The following FBN2 variants were observed in gnomAD, a reference collection of about 807,000 sequenced individuals.
FBN2 encodes fibrillin-2.
FBN2 carries 105 observed loss-of-function variants against 355.6 expected under a neutral mutation model. The ratio of observed to expected loss-of-function variants is 0.30; its 90% CI spans 0.25 to 0.35. The LOEUF is 0.35. Among genes scored for constraint, FBN2 ranks in the 10% least tolerant of loss-of-function variants. The pLI is 1.00. For synonymous variants in FBN2, 1,350 were observed against 1,301.2 expected (o/e 1.04, Z -0.81); for missense variants, 3,280 against 3,758.7 (o/e 0.87, Z 3.33).
intron 26 of FBN2, 23 bp downstream of exon 26, chr5:128,338,910 G>A (rs773259602): frequency 9.3e-6 from 15 of 1,612,876 alleles, no homozygotes; most frequent in East Asian, 2.2e-5. Context: ...TCAAGCTGGC[G>A]AGGAAGAGCT....
intron 41 of FBN2, among the ~76,000 whole-genome samples, chr5:128,307,509 T>A (rs896550960): frequency 4.0e-5 from 6 of 151,878 alleles, no homozygotes; most frequent in Non-Finnish European, 7.4e-5. Context: ...TTTCTTTTAA[T>A]ATGCAGAGCT....
In FBN2 at chr5:128,331,688, C is replaced by T. The variant is rs560036477; in HGVS notation, c.4223-993G>A. On this transcript the variant is annotated intron_variant, in intron 32 of 64. Transcript: ENST00000262464. ...TTTAGCATTCAGCAGACACGAAGAG[C>T]GAGGGCATGTGAGAGAGACAGAAAC... 1.1e-4 allele frequency among the ~76,000 whole-genome samples: 17 copies of T among 152,074 alleles called. No individual in the cohort carries two copies. In the East Asian group the frequency reaches 1.4e-3, roughly 12 times the overall value.
chr5:128,415,051 T>C (rs1456183836), intron 7 of FBN2, among the ~76,000 whole-genome samples: 1 of 152,174 alleles, frequency 6.6e-6, no homozygotes, highest in African/African-American at 2.4e-5. Context: ...TGAATTTCCA[T>C]GTAAACTTTT....
intron 63 of FBN2, 63 bp from the exon 64 acceptor site, chr5:128,261,970 G>T: frequency 7.3e-7 from 1 of 1,372,164 alleles, no homozygotes; most frequent in Non-Finnish European, 1.0e-6. Flanking sequence ...TTTTCCAGTG[G>T]TAGAGCAGAC....
intron 23 of FBN2, among the ~76,000 whole-genome samples, chr5:128,349,125 G>T (rs534060033): frequency 6.6e-6 from 1 of 152,284 alleles, no homozygotes; most frequent in East Asian, 1.9e-4. Flanking sequence ...GGAAGATTTT[G>T]AGATAGATTT....
chr5:128,315,228 C>A (rs1035533613), intron 36 of FBN2, among the ~76,000 whole-genome samples: 3 of 152,038 alleles, frequency 2.0e-5, no homozygotes, highest in African/African-American at 7.2e-5. Context: ...TTGAAAACAA[C>A]TTTATTAGCA....
Position 128,311,364 on chromosome 5 carries a change from A to G in FBN2, c.5010T>C (p.Phe1670=), listed in dbSNP as rs767932715. Residue 1670 remains phenylalanine, a synonymous_variant, in exon 39 of 65, where the codon TTT becomes TTC. Coordinates refer to ENST00000262464, the MANE Select transcript of FBN2 (RefSeq NM_001999.4). Reference sequence around the variant, plus strand: ...GTGGGCACTCACACTGGAAGCTCCCAAAAGTGTTGATGCAGTTTCCACCCT... The same window carrying G: ...GTGGGCACTCACACTGGAAGCTCCCGAAAGTGTTGATGCAGTTTCCACCCT... ...LCQGGNCINT[F]GSFQCECPQG... The G allele has an allele frequency of 1.2e-6, 2 of 1,614,058 alleles. No homozygotes were observed. The highest frequency in any genetic ancestry group is 1.7e-6 in the Non-Finnish European group (2 of 1,179,932).
Position 128,263,543 on chromosome 5 carries a change from C to A in FBN2, c.8074G>T (p.Ala2692Ser). The change falls in exon 63 of 65, where the codon GCC becomes TCC. Residue 2692 changes from alanine (A) to serine (S), a missense_variant. By Grantham distance (99) the Ala-to-Ser change is moderately conservative. Coordinates refer to ENST00000262464, the MANE Select transcript of FBN2 (RefSeq NM_001999.4). ...GAGCACTCATTCACGTCGTGGCAGG[C>A]ACTGGAGAACTGGTCGAAGGAGAAC... is the stretch of plus-strand genomic sequence containing the variant. The part of the protein sequence containing the change: ...SGFSFDQFSS[A>S]CHDVNECSSS... 6.2e-7 allele frequency: 1 copy of A among 1,614,124 alleles called. No homozygotes were observed. Among genetic ancestry groups the A allele is most frequent in the Non-Finnish European group, 8.5e-7 (1 of 1,180,004 alleles).
At chr5:128,356,711 C>T (rs1408678233) in intron 20 of FBN2, among the ~76,000 whole-genome samples, 1 of 152,144 alleles carries the variant, frequency 6.6e-6, no homozygotes, top group African/African-American at 2.4e-5. Flanking sequence ...TGTTTTGAGA[C>T]ATATTGAAAG....
rs115140090 is a variant in FBN2, at chr5:128,410,575, A to T, written c.953-1776T>A. Among the ~76,000 whole-genome samples the T allele has an allele frequency of 2.3e-3, 349 of 152,310 alleles. 1 individual carries two copies. The highest frequency in any genetic ancestry group is 8.0e-3 in the African/African-American group (331 of 41,572). On this transcript the variant is annotated intron_variant, in intron 7 of 64. Transcript: ENST00000262464. ...AGAGACTCAACTTTTTCATTTAAAC[A>T]TTGGCTTTTATTTCTAGGCATTTCG...
Position 128,512,271 on chromosome 5 carries a change from G to A in FBN2, c.628+7002C>T, listed in dbSNP as rs563569951. Among the ~76,000 whole-genome samples, 29 of 152,180 alleles carry A rather than the reference G, an allele frequency of 1.9e-4. 1 individual carries two copies. The East Asian group carries it at 4.1e-3, about 21-fold the overall frequency. On this transcript the variant is annotated intron_variant, in intron 5 of 64. Transcript: ENST00000262464. ...TTAAGCCTGTAATCCCAGCACTTTC[G>A]GAGGCCGAGGCGGGTGGATCACCTG...
intron 54 of FBN2, 125 bp from the exon 55 acceptor site, chr5:128,286,974 C>A: frequency 1.0e-6 from 1 of 975,498 alleles, no homozygotes; most frequent in Non-Finnish European, 1.6e-6. Flanking sequence ...AAGGAGAAGC[C>A]CAGCCATTGT....
chr5:128,492,869 G>C (rs1209083564), intron 5 of FBN2, among the ~76,000 whole-genome samples: 1 of 149,864 alleles, frequency 6.7e-6, no homozygotes, highest in Admixed American at 6.6e-5. Context: ...GGGGAAACTG[G>C]CAGATTAGAT....
chr5:128,317,333 C>G, intron 36 of FBN2, among the ~76,000 whole-genome samples: 1 of 152,184 alleles, frequency 6.6e-6, no homozygotes, highest in South Asian at 2.1e-4. Context: ...GGCACTCAAA[C>G]TTTACCAAAT....
Position 128,348,567 on chromosome 5 carries a change from T to C in FBN2, c.2989+780A>G, listed in dbSNP as rs55943237. Among the ~76,000 whole-genome samples the C allele has an allele frequency of 6.7e-3, 1,015 of 152,224 alleles. 6 individuals carry two copies. Among genetic ancestry groups the C allele is most frequent in the Non-Finnish European group, 9.6e-3 (656 of 67,984 alleles). On this transcript the variant is annotated intron_variant, in intron 23 of 64. Transcript: ENST00000262464. ...TGATATGTAAATACTTTAAAGGTGA[T>C]TGCATACACCACCACTATTATTTAT...
At chr5:128,340,170 CAA>C (rs938435920) in intron 25 of FBN2, among the ~76,000 whole-genome samples, 15 of 152,026 alleles carry the variant, frequency 9.9e-5, no homozygotes, top group Admixed American at 2.6e-4. Context: ...GTCCAAAAAT[CAA>C]AAGTTTTTAA....
intron 47 of FBN2, among the ~76,000 whole-genome samples, 174 bp downstream of exon 47, chr5:128,301,208 G>C (rs1749706002): frequency 6.6e-6 from 1 of 152,136 alleles, no homozygotes; most frequent in South Asian, 2.1e-4. Flanking sequence ...CTGCCTATGA[G>C]ACATTCCCAT....
intron 45 of FBN2, among the ~76,000 whole-genome samples, chr5:128,303,413 T>A (rs1055180308): frequency 6.6e-6 from 1 of 152,180 alleles, no homozygotes; most frequent in Admixed American, 6.5e-5. Context: ...AAAACTGATC[T>A]TCTAAAATAC....
intron 13 of FBN2, among the ~76,000 whole-genome samples, 193 bp downstream of exon 13, chr5:128,377,559 A>G (rs1429783776): frequency 6.6e-6 from 1 of 151,998 alleles, no homozygotes; most frequent in Non-Finnish European, 1.5e-5. Flanking sequence ...CCAAAAAAAA[A>G]AAACCAAAAA....
Sources: allele counts gnomAD v4.1 joint callset (sites outside exome capture counted in the v4.1 genomes callset), GRCh38; gene constraint gnomAD v4.1.1; transcripts MANE v1.5; gene names NCBI Gene and HGNC (gene_info 2026-07-23, HGNC 2026-07-21).